Variants in TNRC6C observed in about 807,000 individuals in gnomAD.
TNRC6C encodes the protein trinucleotide repeat-containing gene 6C protein.
A neutral mutation model predicts 153.7 loss-of-function variants in TNRC6C; 20 were observed. That is an observed-to-expected ratio of 0.13 (90% confidence interval 0.09 to 0.19). The LOEUF (loss-of-function observed/expected upper bound fraction) is 0.19, where lower values mean the gene tolerates loss of function less well. Ranked by LOEUF, TNRC6C falls within the 10% of genes least tolerant of loss-of-function variation. The pLI is 1.00. For synonymous variants in TNRC6C, 811 were observed against 841.4 expected (o/e 0.96, Z 0.63); for missense variants, 1,987 against 2,172.0 (o/e 0.91, Z 1.69).
At chr17:77,968,107 A>G (rs994685608) in intron 1 of TNRC6C, among the ~76,000 whole-genome samples, 5 of 152,116 alleles carry the variant, frequency 3.3e-5, no homozygotes, top group South Asian at 2.1e-4. Context: ...GGTCTCAGCT[A>G]CTGCAACCTC....
At chr17:78,012,848 T>C (rs2071660705) in intron 1 of TNRC6C, among the ~76,000 whole-genome samples, 1 of 152,238 alleles carries the variant, frequency 6.6e-6, no homozygotes, top group Admixed American at 6.5e-5. Context: ...ACTTTCTACC[T>C]GAAAGGATTT....
intron 1 of TNRC6C, among the ~76,000 whole-genome samples, chr17:78,029,756 C>T (rs2072023518): frequency 6.6e-6 from 1 of 151,768 alleles, no homozygotes; most frequent in South Asian, 2.1e-4. Flanking sequence ...ATTCTGTAAG[C>T]TCTTTTCTGT....
intron 1 of TNRC6C, among the ~76,000 whole-genome samples, chr17:78,011,816 G>C (rs948703748): frequency 6.6e-6 from 1 of 152,146 alleles, no homozygotes; most frequent in Non-Finnish European, 1.5e-5. Context: ...ACCAATGTGT[G>C]GTATGGTCAT....
intron 1 of TNRC6C, among the ~76,000 whole-genome samples, chr17:77,975,715 TAC>T (rs1173377172): frequency 2.6e-5 from 4 of 152,226 alleles, no homozygotes; most frequent in African/African-American, 9.6e-5. Flanking sequence ...GAAACTAATT[TAC>T]AGTTGCCATC....
chr17:77,959,075 A>G (rs1435799810), upstream of TNRC6C, among the ~76,000 whole-genome samples: 1 of 133,842 alleles, frequency 7.5e-6, no homozygotes, highest in Non-Finnish European at 1.6e-5. Context: ...GCCGCCGCCC[A>G]CTCGCCCGCG....
In TNRC6C at chr17:78,036,551, C is replaced by T. The variant is rs536119262; in HGVS notation, c.-219+4709C>T. Among the ~76,000 whole-genome samples the T allele has an allele frequency of 1.1e-4, 16 of 152,138 alleles. No homozygotes were observed. In the East Asian group the frequency reaches 2.9e-3, roughly 28 times the overall value. On this transcript the variant is annotated intron_variant, in intron 2 of 19. Coordinates refer to ENST00000301624, the Ensembl canonical transcript of TNRC6C. ...AAAGAGTTAAAAGTGGAATTTGTAG[C>T]GTTTTTAGCTGTGTAAGAATAGATA...
In TNRC6C at chr17:78,100,768, T is replaced by A. The variant is rs1044824710; in HGVS notation, c.4502-1706T>A. 2.9e-5 allele frequency among the ~76,000 whole-genome samples: 4 copies of A among 138,558 alleles called. No homozygotes were observed. In the South Asian group the frequency reaches 9.2e-4, roughly 32 times the overall value. 90.9% of individuals were successfully genotyped at this position (138,558 alleles called of 152,430 possible). A position where few individuals can be genotyped will look rare whatever the true frequency, so the allele number is the denominator to read the frequency against. ...GAATTTTTCCTCAGAAAATGGGATT[T>A]CCTTTTTTTTTTTTTTTTTTTTTTG... is the stretch of plus-strand genomic sequence containing the variant. On this transcript the variant is annotated intron_variant, in intron 17 of 19. Coordinates refer to ENST00000301624, the Ensembl canonical transcript of TNRC6C.
At chr17:77,975,688 G>A (rs1326602698) in intron 1 of TNRC6C, among the ~76,000 whole-genome samples, 2 of 152,042 alleles carry the variant, frequency 1.3e-5, no homozygotes, top group Non-Finnish European at 2.9e-5. Context: ...AAGAGTAAAG[G>A]TTCAACAACA....
intron 1 of TNRC6C, among the ~76,000 whole-genome samples, chr17:78,007,624 A>G (rs1377777603): frequency 1.3e-5 from 2 of 152,194 alleles, no homozygotes; most frequent in African/African-American, 2.4e-5. Flanking sequence ...CAGGGGCCAC[A>G]TTTGCCACAA....
At chr17:77,986,486 A>G (rs1397245722) in intron 1 of TNRC6C, among the ~76,000 whole-genome samples, 2 of 152,118 alleles carry the variant, frequency 1.3e-5, no homozygotes, top group African/African-American at 4.8e-5. Context: ...GATGTTCTCA[A>G]ATAGGAAAAT....
At chr17:78,001,581 A>G (rs1454215753), upstream of TNRC6C, among the ~76,000 whole-genome samples, 1 of 152,216 alleles carries the variant, frequency 6.6e-6, no homozygotes, top group Non-Finnish European at 1.5e-5. Flanking sequence ...GGAGGGAGAG[A>G]GAAGGGAGAT....
At chr17:78,026,628 G>C (rs952245154) in intron 1 of TNRC6C, among the ~76,000 whole-genome samples, 1 of 152,198 alleles carries the variant, frequency 6.6e-6, no homozygotes, top group Non-Finnish European at 1.5e-5. Context: ...AGCTAAGTCT[G>C]GGGAACTGGG....
chr17:77,991,020 T>G (rs1275664597), intron 1 of TNRC6C, among the ~76,000 whole-genome samples: 15 of 152,208 alleles, frequency 9.9e-5, no homozygotes, highest in Non-Finnish European at 2.2e-4. Context: ...AAAATAATGG[T>G]GCATCTTATA....
At position 78,049,173 on chromosome 17, in the gene TNRC6C, T is replaced by C; in HGVS notation, c.111T>C (p.Leu37=). 6.2e-7 allele frequency: 1 copy of C among 1,613,118 alleles called. No individual in the cohort carries two copies. Among genetic ancestry groups the C allele is most frequent in the Non-Finnish European group, 8.5e-7 (1 of 1,179,482 alleles). The change falls in exon 3 of 20, where the codon CTT becomes CTC. Residue 37 remains leucine, a synonymous_variant. Transcript: ENST00000301624. The surrounding 1 kb of genome is among the most constrained non-coding windows in gnomAD (Gnocchi z 4.1). ...AAAGCCCTTCTAATCAGAGTGCCCT[T>C]GGAGCAGGGGGAGCGAACAGTAATG...
intron 2 of TNRC6C, among the ~76,000 whole-genome samples, chr17:78,040,218 T>G (rs1386317108): frequency 1.3e-5 from 2 of 152,218 alleles, no homozygotes; most frequent in African/African-American, 4.8e-5. Context: ...GTACGTACAG[T>G]GATTTCCAGA....
chr17:78,062,995 C>A (rs1158232593), intron 3 of TNRC6C, among the ~76,000 whole-genome samples: 1 of 152,048 alleles, frequency 6.6e-6, no homozygotes, highest in Non-Finnish European at 1.5e-5. Flanking sequence ...TCTGTAATCC[C>A]AGCACTTTGG....
chr17:78,077,388 A>G (rs1332761245), intron 9 of TNRC6C, 54 bp downstream of exon 11: 6 of 1,549,782 alleles, frequency 3.9e-6, no homozygotes, highest in Non-Finnish European at 5.2e-6. Context: ...TGCCTTCTAA[A>G]AAATGTGTTT....
intron 2 of TNRC6C, 81 bp from the exon 5 acceptor site, chr17:78,048,763 CT>C: frequency 8.4e-7 from 1 of 1,196,952 alleles, no homozygotes; most frequent in Non-Finnish European, 1.0e-6. Flanking sequence ...AAATAAAGAG[CT>C]TCCCCAAAGA....
At position 77,962,679 on chromosome 17, in the gene TNRC6C, T is replaced by G. The variant is rs184475729; in HGVS notation, c.-38+3411T>G. On this transcript the variant is annotated intron_variant, in intron 1 of 22. Coordinates refer to the TNRC6C transcript ENST00000636222. Reference sequence around the variant, plus strand: ...ACCAGGTAACTTTATGTTTGTTTTGTTTTTGTTATCTTCCGTTGAACTTGT... The same window carrying G: ...ACCAGGTAACTTTATGTTTGTTTTGGTTTTGTTATCTTCCGTTGAACTTGT... 2.9e-3 allele frequency among the ~76,000 whole-genome samples: 443 copies of G among 152,342 alleles called. 2 individuals are homozygous for G. The highest frequency in any genetic ancestry group is 4.9e-3 in the Non-Finnish European group (335 of 68,030).
Sources: gnomAD v4.1 joint callset for allele counts (sites outside exome capture counted in the v4.1 genomes callset) on GRCh38, gnomAD v4.1.1 for gene constraint, Gnocchi (gnomAD v3.1) non-coding constraint, MANE v1.5 for transcripts, NCBI Gene and HGNC (gene_info 2026-07-23, HGNC 2026-07-21) for gene names.